The following NOS1AP variants were observed in gnomAD, a reference collection of about 807,000 sequenced individuals.
The protein encoded by NOS1AP is carboxyl-terminal PDZ ligand of neuronal nitric oxide synthase protein.
In NOS1AP, 21 loss-of-function variants were observed where a neutral mutation model predicts 56.2. The ratio of observed to expected loss-of-function variants is 0.37; its 90% confidence interval spans 0.26 to 0.54. The LOEUF is 0.54. Among genes scored for constraint, NOS1AP ranks in the 20% least tolerant of loss-of-function variants. The probability of loss-of-function intolerance (pLI) is 0.84; values close to 1 mark genes in which losing one functional copy is unlikely to be tolerated. For synonymous variants in NOS1AP, 270 were observed against 274.6 expected, an observed-to-expected ratio of 0.98 and a Z score of 0.17; for missense variants, 522 against 657.8, an observed-to-expected ratio of 0.79 and a Z score of 2.26.
chr1:162,151,561 G>C (rs1290663677), intron 1 of NOS1AP, among the ~76,000 whole-genome samples: 1 of 152,038 alleles, frequency 6.6e-6, no homozygotes, highest in South Asian at 2.1e-4. Context: ...GGATGTCATT[G>C]GTATTTTGAT....
chr1:162,255,377 T>TC (rs1192969797), intron 2 of NOS1AP, among the ~76,000 whole-genome samples: 4 of 152,088 alleles, frequency 2.6e-5, no homozygotes, highest in Admixed American at 6.6e-5. Flanking sequence ...CCTAGACTCT[T>TC]CCCCAAACAG....
intron 5 of NOS1AP, among the ~76,000 whole-genome samples, chr1:162,340,058 G>A (rs773099062): frequency 6.6e-6 from 1 of 152,212 alleles, no homozygotes; most frequent in Non-Finnish European, 1.5e-5. Flanking sequence ...GATAGGAAGG[G>A]CAATTCTTTT....
chr1:162,107,380 G>T lies in NOS1AP; in HGVS notation c.105+37098G>T, dbSNP rs192700185. Among the ~76,000 whole-genome samples, 110 of 152,324 alleles carry T rather than the reference G, an allele frequency of 7.2e-4. 1 individual carries two copies. In the East Asian group the frequency reaches 0.018, roughly 25 times the overall value. ...AGACAGGGTCTTCCTCTGTCATTCA[G>T]GCTGGAATGCTGTGGCATGGTCATA... On this transcript the variant is annotated intron_variant, in intron 1 of 9. Transcript: ENST00000361897.
At chr1:162,207,208 T>G (rs1652190327) in intron 2 of NOS1AP, among the ~76,000 whole-genome samples, 1 of 152,204 alleles carries the variant, frequency 6.6e-6, no homozygotes, top group South Asian at 2.1e-4. Context: ...CTTGCTCCAG[T>G]CTCTTTTGTG....
intron 1 of NOS1AP, among the ~76,000 whole-genome samples, chr1:162,097,178 T>A (rs1440306920): frequency 6.6e-6 from 1 of 152,202 alleles, no homozygotes; most frequent in Non-Finnish European, 1.5e-5. Context: ...CATCAGTTTC[T>A]ATGTGTATTG....
chr1:162,127,567 A>C (rs569850486), intron 1 of NOS1AP, among the ~76,000 whole-genome samples: 1 of 152,036 alleles, frequency 6.6e-6, no homozygotes, highest in African/African-American at 2.4e-5. Flanking sequence ...ACAGTTCTGC[A>C]AACTGTATAG....
intron 1 of NOS1AP, among the ~76,000 whole-genome samples, chr1:162,077,418 A>G (rs1691792856): frequency 6.6e-6 from 1 of 151,792 alleles, no homozygotes; most frequent in Non-Finnish European, 1.5e-5. Context: ...AGAAATGTCT[A>G]TTCTGATCCT....
chr1:162,357,400 G>C (rs931659617), intron 8 of NOS1AP, among the ~76,000 whole-genome samples: 18 of 152,248 alleles, frequency 1.2e-4, no homozygotes, highest in African/African-American at 4.3e-4. Context: ...TGTTGTTAAT[G>C]ACTTGAACTG....
intron 2 of NOS1AP, among the ~76,000 whole-genome samples, chr1:162,235,303 C>A (rs1653255171): frequency 6.6e-6 from 1 of 152,182 alleles, no homozygotes; most frequent in South Asian, 2.1e-4. Flanking sequence ...GATTTCGTTG[C>A]ACTCTGTGGC....
At chr1:162,326,879 G>A (rs764802846) in intron 4 of NOS1AP, among the ~76,000 whole-genome samples, 4 of 152,136 alleles carry the variant, frequency 2.6e-5, no homozygotes, top group Non-Finnish European at 4.4e-5. Flanking sequence ...ACTGAAAGAG[G>A]GAATAAAGGA....
chr1:162,287,882 C>T (rs548635748), intron 3 of NOS1AP, among the ~76,000 whole-genome samples: 7 of 152,320 alleles, frequency 4.6e-5, no homozygotes, highest in African/African-American at 1.2e-4. Context: ...CAGCCCCCTC[C>T]GTTGTATGTC....
intron 1 of NOS1AP, among the ~76,000 whole-genome samples, chr1:162,142,033 G>A (rs1269329825): frequency 6.7e-6 from 1 of 148,514 alleles, no homozygotes; most frequent in Non-Finnish European, 1.5e-5. Flanking sequence ...GGGCGCTCAG[G>A]ATACAGTGGT....
intron 1 of NOS1AP, among the ~76,000 whole-genome samples, chr1:162,099,135 G>A (rs1692316292): frequency 6.6e-6 from 1 of 151,778 alleles, no homozygotes; most frequent in Non-Finnish European, 1.5e-5. Flanking sequence ...CACTAACAGT[G>A]TAAACGCATT....
intron 1 of NOS1AP, among the ~76,000 whole-genome samples, chr1:162,093,741 C>T (rs994330339): frequency 1.3e-5 from 2 of 151,870 alleles, no homozygotes; most frequent in East Asian, 1.9e-4. Context: ...TTAGTGGAAT[C>T]GAGGTCTCAC....
intron 4 of NOS1AP, among the ~76,000 whole-genome samples, chr1:162,326,895 A>T: frequency 6.6e-6 from 1 of 152,234 alleles, no homozygotes; most frequent in Non-Finnish European, 1.5e-5. Context: ...AAGGATGAGA[A>T]CTTGAAGACA....
intron 6 of NOS1AP, among the ~76,000 whole-genome samples, chr1:162,348,839 C>T (rs1212840833): frequency 5.3e-5 from 8 of 152,194 alleles, no homozygotes; most frequent in African/African-American, 1.9e-4. Flanking sequence ...GCTCATGGGC[C>T]TATATGGCAG....
At chr1:162,288,303 A>G (rs1655155340) in intron 3 of NOS1AP, among the ~76,000 whole-genome samples, 1 of 152,198 alleles carries the variant, frequency 6.6e-6, no homozygotes, top group Non-Finnish European at 1.5e-5. Context: ...TGGTAGCACC[A>G]TATCATAGTC....
chr1:162,363,671 A>T (rs1422905259), intron 8 of NOS1AP: 2 of 525,260 alleles, frequency 3.8e-6, no homozygotes, highest in Non-Finnish European at 4.9e-6. Flanking sequence ...TCTAATAAGC[A>T]TACAAAAAAC....
chr1:162,323,396 C>T (rs72700139), intron 4 of NOS1AP, among the ~76,000 whole-genome samples: 5 of 152,282 alleles, frequency 3.3e-5, no homozygotes, highest in South Asian at 2.1e-4. Context: ...TTAAGCTATC[C>T]GACTTGTAAT....
Sources: allele counts gnomAD v4.1 joint callset (sites outside exome capture counted in the v4.1 genomes callset), GRCh38; gene constraint gnomAD v4.1.1; transcripts MANE v1.5; gene names NCBI Gene and HGNC (gene_info 2026-07-23, HGNC 2026-07-21).